Variants in POC5 observed in about 807,000 individuals in gnomAD.
POC5 encodes the protein centrosomal protein POC5.
POC5 carries 48 observed loss-of-function variants against 62.9 expected under a neutral mutation model. The ratio of observed to expected loss-of-function variants is 0.76; its 90% confidence interval spans 0.61 to 0.97. POC5 has a LOEUF of 0.97. POC5 is among the 50% of genes least tolerant of loss of function. The pLI is 0.00. For missense variants in POC5, 696 were observed against 679.5 expected, an observed-to-expected ratio of 1.02 and a Z score of -0.27; for synonymous variants, 236 against 228.2, an observed-to-expected ratio of 1.03 and a Z score of -0.31.
intron 10 of POC5, among the ~76,000 whole-genome samples, chr5:75,681,871 A>G (rs749567000): frequency 6.6e-6 from 1 of 152,198 alleles, no homozygotes; most frequent in East Asian, 1.9e-4. Flanking sequence ...ATTCCCAACA[A>G]TGATGGTTTC....
intron 11 of POC5, 120 bp downstream of exon 11, chr5:75,677,654 C>T (rs1303640512): frequency 1.5e-6 from 1 of 680,922 alleles, no homozygotes; most frequent in Non-Finnish European, 2.1e-6. Context: ...CAGGAAAAGG[C>T]AGAACAAGTA....
chr5:75,704,761 G>A (rs756056142), intron 4 of POC5, among the ~76,000 whole-genome samples: 7 of 152,134 alleles, frequency 4.6e-5, no homozygotes, highest in Admixed American at 2.6e-4. Context: ...GGAAACTAAG[G>A]GTTAGAGGCA....
chr5:75,716,771 A>G (rs1405249228), intron 1 of POC5, among the ~76,000 whole-genome samples: 1 of 152,234 alleles, frequency 6.6e-6, no homozygotes, highest in African/African-American at 2.4e-5. Flanking sequence ...GCTGACAGCA[A>G]AACAGGGGTC....
chr5:75,675,548 C>T (rs928017864), intron 11 of POC5, among the ~76,000 whole-genome samples: 4 of 152,122 alleles, frequency 2.6e-5, no homozygotes, highest in East Asian at 1.9e-4. Context: ...TGTCAGATTC[C>T]ATTTTAAAAA....
At chr5:75,695,227 G>A (rs955917125) in intron 5 of POC5, among the ~76,000 whole-genome samples, 14 of 152,088 alleles carry the variant, frequency 9.2e-5, no homozygotes, top group African/African-American at 3.1e-4. Flanking sequence ...TTTAGAAATG[G>A]GTGATAGTGG....
intron 5 of POC5, among the ~76,000 whole-genome samples, chr5:75,701,141 C>A (rs1343153446): frequency 7.4e-6 from 1 of 135,098 alleles, no homozygotes; most frequent in Admixed American, 7.6e-5. Context: ...ACTAGTTCAA[C>A]CATTGTGGAA....
intron 1 of POC5, among the ~76,000 whole-genome samples, chr5:75,714,937 A>G (rs928565553): frequency 6.6e-6 from 1 of 152,140 alleles, no homozygotes; most frequent in African/African-American, 2.4e-5. Context: ...AAGGGAATGG[A>G]TGAGACCACC....
At chr5:75,684,999 C>G (rs1053132486) in intron 10 of POC5, among the ~76,000 whole-genome samples, 1 of 151,792 alleles carries the variant, frequency 6.6e-6, no homozygotes, top group African/African-American at 2.4e-5. Flanking sequence ...TCCTGAGTAG[C>G]TGGGACTACA....
intron 6 of POC5, among the ~76,000 whole-genome samples, chr5:75,694,164 T>C (rs982417128): frequency 2.0e-5 from 3 of 151,950 alleles, no homozygotes; most frequent in African/African-American, 7.3e-5. Context: ...CTGGGCAACA[T>C]AGCAAGACCC....
chr5:75,685,563 C>T, intron 9 of POC5, 79 bp from the exon 10 acceptor site: 1 of 1,450,174 alleles, frequency 6.9e-7, no homozygotes, highest in East Asian at 2.3e-5. Flanking sequence ...AAAACACATA[C>T]TGGCTAAAGT....
chr5:75,685,482 T>C lies in POC5; in HGVS notation c.1132A>G (p.Ile378Val). ...TCCTTTTTATTATTTGTGGAGTCTA[T>C]CCCTATAAATCACAAATTAATTCCA... ...TIFQNRNDAG[I>V]DSTNNKKEEY... Residue 378 changes from isoleucine to valine, a missense_variant and splice_region_variant, in exon 10 of 12, where the codon ATA (isoleucine) becomes GTA (valine). Physicochemically the swap from Ile to Val is conservative, Grantham distance 29. Transcript: ENST00000428202. 1 of 1,602,986 alleles carries C rather than the reference T, an allele frequency of 6.2e-7. No individual in the cohort carries two copies. The highest frequency in any genetic ancestry group is 8.5e-7 in the Non-Finnish European group (1 of 1,171,166).
intron 6 of POC5, among the ~76,000 whole-genome samples, chr5:75,693,212 T>C (rs1817869): frequency 0.24 from 36,395 of 149,800 alleles, 4,627 homozygotes; most frequent in South Asian, 0.32. Context: ...TATGTTGATG[T>C]ACTTCTTCAG....
At chr5:75,681,625 A>C (rs894651522) in intron 10 of POC5, among the ~76,000 whole-genome samples, 4 of 137,220 alleles carry the variant, frequency 2.9e-5, no homozygotes, top group African/African-American at 1.4e-4. Context: ...AATTTAAATA[A>C]TTTTTTAAAA....
intron 5 of POC5, 55 bp downstream of exon 5, chr5:75,702,550 A>C: frequency 6.7e-7 from 1 of 1,495,948 alleles, no homozygotes; most frequent in Admixed American, 2.2e-5. Context: ...AAATGAGAGT[A>C]AAACTATTAC....
At position 75,677,841 on chromosome 5, in the gene POC5, A is replaced by G. The variant is rs760001441; in HGVS notation, c.1517T>C (p.Leu506Ser). 4 of 1,613,022 alleles carry G rather than the reference A, an allele frequency of 2.5e-6. No individual in the cohort carries two copies. The highest frequency in any genetic ancestry group is 8.5e-7 in the Non-Finnish European group (1 of 1,179,420). ...GGGAGGAGAAACTCCCATTATAGCT[A>G]AACTGCTGCTAATTCTATTTTTTGA... ...FASKNRISSS[L>S]AIMGVSPPMS... is the part of the protein sequence containing the mutation. The change falls in exon 11 of 12, where the codon TTA becomes TCA. Residue 506 changes from leucine to serine, a missense_variant. Physicochemically the swap from Leu to Ser is moderately radical, Grantham distance 145. Coordinates refer to ENST00000428202, the MANE Select transcript of POC5 (RefSeq NM_001099271.2).
intron 1 of POC5, among the ~76,000 whole-genome samples, chr5:75,716,810 C>A (rs556204245): frequency 1.5e-4 from 23 of 152,266 alleles, no homozygotes; most frequent in African/African-American, 5.5e-4. Flanking sequence ...CCCCAAGAGG[C>A]AAAGGAAGAG....
At chr5:75,717,114 T>G (rs1013182701) in intron 1 of POC5, among the ~76,000 whole-genome samples, 192 bp downstream of exon 1, 1 of 152,182 alleles carries the variant, frequency 6.6e-6, no homozygotes, top group Non-Finnish European at 1.5e-5. Context: ...CATCCCTCAC[T>G]CCTGCTCACT....
chr5:75,690,007 T>A (rs1776255690), intron 8 of POC5, among the ~76,000 whole-genome samples: 1 of 152,168 alleles, frequency 6.6e-6, no homozygotes, highest in African/African-American at 2.4e-5. Flanking sequence ...TGCCTCAGCC[T>A]CCCGAGTAGC....
Position 75,674,391 on chromosome 5 carries a change from T to A in POC5, c.*44A>T. On this transcript the variant is annotated 3_prime_UTR_variant, in exon 12 of 12. Coordinates refer to ENST00000428202, the MANE Select transcript of POC5 (RefSeq NM_001099271.2). ...AAACCAAAAGACTTCTAACCCTTGG[T>A]AAGACCAGAGGGATTAAAAGACCCC... 1.3e-6 allele frequency: 2 copies of A among 1,582,006 alleles called. No individual in the cohort carries two copies. Among genetic ancestry groups the A allele is most frequent in the Non-Finnish European group, 1.7e-6 (2 of 1,161,852 alleles).
Sources: allele counts gnomAD v4.1 joint callset (sites outside exome capture counted in the v4.1 genomes callset), GRCh38; gene constraint gnomAD v4.1.1; transcripts MANE v1.5; gene names NCBI Gene and HGNC (gene_info 2026-07-23, HGNC 2026-07-21).